The following SCN1A variants were observed in gnomAD, a reference collection of about 807,000 sequenced individuals.
SCN1A encodes sodium channel protein type 1 subunit alpha.
SCN1A carries 13 observed loss-of-function variants against 193.7 expected under a neutral mutation model. The ratio of observed to expected loss-of-function variants is 0.07; its 90% confidence interval spans 0.04 to 0.11. The LOEUF is 0.11. SCN1A is among the 10% of genes least tolerant of loss of function. SCN1A has a pLI of 1.00. For missense variants in SCN1A, 1,432 were observed against 2,451.1 expected (o/e 0.58, Z 8.78); for synonymous variants, 781 against 843.6 (o/e 0.93, Z 1.29).
At chr2:166,088,550 G>A (rs1559311121) in intron 2 of SCN1A, among the ~76,000 whole-genome samples, 2 of 152,116 alleles carry the variant, frequency 1.3e-5, no homozygotes, top group Non-Finnish European at 2.9e-5. Flanking sequence ...AGCTGAAATT[G>A]TTCAATTATA....
At chr2:166,090,687 CT>C (rs1266409765) in intron 2 of SCN1A, among the ~76,000 whole-genome samples, 1 of 152,160 alleles carries the variant, frequency 6.6e-6, no homozygotes, top group Non-Finnish European at 1.5e-5. Flanking sequence ...TTTAAACCCC[CT>C]TTTCACCTCC....
Position 165,992,519 on chromosome 2 carries a change from T to G in SCN1A, c.4853-97A>C. 8.3e-7 allele frequency: 1 copy of G among 1,203,454 alleles called. No homozygotes were observed. The allele number at this position is 1,203,454 out of a possible 1,614,324, so 74.5% of individuals were successfully genotyped here. Reference sequence around the variant, plus strand: ...AGCTCCAAGGTAAGGTTCAGAGTCCTGAACCCAGTTATATTAAATATGACA... The same window carrying G: ...AGCTCCAAGGTAAGGTTCAGAGTCCGGAACCCAGTTATATTAAATATGACA... On this transcript the variant is annotated intron_variant, in intron 28 of 28. Coordinates refer to ENST00000674923, the MANE Select transcript of SCN1A (RefSeq NM_001165963.4). This position sits in a 1 kb window ranked among gnomAD's most constrained non-coding sequence, Gnocchi z 6.5.
intron 19 of SCN1A, among the ~76,000 whole-genome samples, chr2:166,034,836 C>A (rs1049006836): frequency 6.6e-6 from 1 of 152,130 alleles, no homozygotes; most frequent in Non-Finnish European, 1.5e-5. Flanking sequence ...CTCTCTCTTT[C>A]CATGTACATG....
At chr2:166,110,481 A>T (rs1038507153) in intron 2 of SCN1A, among the ~76,000 whole-genome samples, 1 of 152,236 alleles carries the variant, frequency 6.6e-6, no homozygotes, top group African/African-American at 2.4e-5. Context: ...AGATTGAACC[A>T]GCCATAACAT....
At chr2:166,143,028 G>A (rs10201501) in intron 1 of SCN1A, among the ~76,000 whole-genome samples, 1 of 152,032 alleles carries the variant, frequency 6.6e-6, no homozygotes, top group Non-Finnish European at 1.5e-5. Flanking sequence ...ACCCAATCTT[G>A]GGTATGTCTT....
At chr2:166,117,279 G>C (rs1165975578) in intron 2 of SCN1A, among the ~76,000 whole-genome samples, 2 of 152,134 alleles carry the variant, frequency 1.3e-5, no homozygotes, top group Non-Finnish European at 1.5e-5. Context: ...AAGACAACCA[G>C]CATTATTGTT....
chr2:166,056,416 A>T lies in SCN1A; in HGVS notation c.468T>A (p.Asn156Lys). The T allele has an allele frequency of 6.3e-7, 1 of 1,577,058 alleles. No homozygotes were observed. The highest frequency in any genetic ancestry group is 8.7e-7 in the Non-Finnish European group (1 of 1,146,698). ...AAAATATAAGTTGAACTTACTCTACATTCTTTGTCCAATCAGGAGGGTTAC... is the reference window on the plus strand; with the variant it reads ...AAAATATAAGTTGAACTTACTCTACTTTCTTTGTCCAATCAGGAGGGTTAC... ...TMSNPPDWTK[N>K]VEYTFTGIYT... The change falls in exon 6 of 29, where the codon AAT becomes AAA. Residue 156 changes from asparagine (N) to lysine (K), a missense_variant. Physicochemically the swap from Asn to Lys is moderately conservative, Grantham distance 94 (BLOSUM62 0). This residue lies in a region of SCN1A where 123 missense variants were observed against 282.8 expected (regional missense o/e 0.43). Coordinates refer to ENST00000674923, the MANE Select transcript of SCN1A (RefSeq NM_001165963.4).
intron 2 of SCN1A, among the ~76,000 whole-genome samples, chr2:166,080,885 CATTATA>C (rs1454063214): frequency 6.6e-6 from 1 of 151,636 alleles, no homozygotes; most frequent in Non-Finnish European, 1.5e-5. Flanking sequence ...AAATCTGTAG[CATTATA>C]ATTAACAGAT....
At chr2:166,031,977 G>T (rs1460654994) in intron 19 of SCN1A, among the ~76,000 whole-genome samples, 2 of 152,004 alleles carry the variant, frequency 1.3e-5, no homozygotes, top group Non-Finnish European at 2.9e-5. Flanking sequence ...AATATTTAGT[G>T]TATGAAGAAT....
chr2:166,096,368 C>T (rs528671532), intron 2 of SCN1A, among the ~76,000 whole-genome samples: 18 of 152,132 alleles, frequency 1.2e-4, no homozygotes, highest in South Asian at 4.1e-4. Context: ...CTGCAAGCTC[C>T]GCCTCCCTGG....
chr2:166,055,077 G>A (rs1698991890), intron 6 of SCN1A, among the ~76,000 whole-genome samples: 1 of 151,796 alleles, frequency 6.6e-6, no homozygotes, highest in Non-Finnish European at 1.5e-5. Context: ...ATGTTTACAT[G>A]ATGGAATAGC....
chr2:166,108,109 A>G (rs2106181007), intron 2 of SCN1A, among the ~76,000 whole-genome samples: 1 of 152,196 alleles, frequency 6.6e-6, no homozygotes, highest in African/African-American at 2.4e-5. Flanking sequence ...CAATAATAAA[A>G]AACCCCAAAG....
intron 4 of SCN1A, among the ~76,000 whole-genome samples, chr2:166,065,242 T>G (rs573643905): frequency 2.6e-5 from 4 of 152,190 alleles, no homozygotes; most frequent in African/African-American, 7.2e-5. Flanking sequence ...TGCTATTAAG[T>G]TTTTCATAGC....
intron 2 of SCN1A, among the ~76,000 whole-genome samples, chr2:166,123,264 A>C (rs1241073586): frequency 7.7e-6 from 1 of 129,886 alleles, no homozygotes; most frequent in Non-Finnish European, 1.6e-5. Context: ...AAAAAAAAAG[A>C]TTTGTTCAAA....
chr2:166,034,487 T>A (rs1574158797), intron 19 of SCN1A, among the ~76,000 whole-genome samples: 1 of 152,342 alleles, frequency 6.6e-6, no homozygotes, highest in Admixed American at 6.5e-5. Context: ...ATGTATTCAA[T>A]CCTTTAAAAT....
chr2:166,040,299 C>A (rs1166577002), intron 16 of SCN1A, among the ~76,000 whole-genome samples: 2 of 152,138 alleles, frequency 1.3e-5, no homozygotes, highest in Non-Finnish European at 2.9e-5. Flanking sequence ...CAAGTACTGA[C>A]AACATTTTGC....
At chr2:166,080,359 A>C (rs1463362025) in intron 2 of SCN1A, among the ~76,000 whole-genome samples, 1 of 151,864 alleles carries the variant, frequency 6.6e-6, no homozygotes, top group Non-Finnish European at 1.5e-5. Flanking sequence ...TTTCCTAACA[A>C]GAGAAGACTT....
intron 1 of SCN1A, among the ~76,000 whole-genome samples, chr2:166,145,270 C>T (rs1490122753): frequency 2.0e-5 from 3 of 151,378 alleles, no homozygotes; most frequent in Non-Finnish European, 4.4e-5. Context: ...ATCTCCTGAC[C>T]TCGTGATCTG....
chr2:166,080,335 T>TA lies in SCN1A; in HGVS notation c.-141-2535dup, dbSNP rs567718631. Among the ~76,000 whole-genome samples, 3 of 151,750 alleles carry TA rather than the reference T, an allele frequency of 2.0e-5. No homozygotes were observed. In the South Asian group the frequency reaches 6.2e-4, roughly 31 times the overall value. On this transcript the variant is annotated intron_variant, in intron 2 of 28. Transcript: ENST00000674923. ...GAGACCTTGCTCCTTTCAAAAGAGG[T>TA]AAGACAATGAAACTTTCCTAACAAG...
Sources: allele counts gnomAD v4.1 joint callset (sites outside exome capture counted in the v4.1 genomes callset), GRCh38; gene constraint gnomAD v4.1.1; regional missense constraint gnomAD v4.1.1; non-coding constraint Gnocchi (gnomAD v3.1); transcripts MANE v1.5; gene names NCBI Gene and HGNC (gene_info 2026-07-23, HGNC 2026-07-21).